CHST9: variants seen among roughly 807,000 people sequenced by gnomAD.
The protein encoded by CHST9 is GalNAc-4-sulfotransferase 2.
CHST9 carries 41 observed loss-of-function variants against 44.4 expected under a neutral mutation model. The observed-to-expected ratio is 0.92, with a 90% CI of 0.72 to 1.20. The LOEUF (loss-of-function observed/expected upper bound fraction) is 1.20. CHST9 is among the 50% of genes most tolerant of loss of function. The pLI, the probability that CHST9 is intolerant of heterozygous loss-of-function variation, is 0.00. For missense variants in CHST9, 504 were observed against 516.5 expected (o/e 0.98, Z 0.23); for synonymous variants, 171 against 178.4 (o/e 0.96, Z 0.33).
intron 4 of CHST9, among the ~76,000 whole-genome samples, chr18:26,974,659 TTTTC>T (rs2056594501): frequency 6.6e-6 from 1 of 151,488 alleles, no homozygotes; most frequent in South Asian, 2.1e-4. Context: ...GGCATACTTA[TTTTC>T]TTTCTTTTTT....
chr18:27,132,444 T>C (rs1029830577), intron 2 of CHST9, among the ~76,000 whole-genome samples: 1 of 152,114 alleles, frequency 6.6e-6, no homozygotes, highest in Non-Finnish European at 1.5e-5. Flanking sequence ...TTCTGAAAAA[T>C]CGAGTTAAAC....
intron 1 of CHST9, among the ~76,000 whole-genome samples, chr18:27,146,065 G>C: frequency 6.6e-6 from 1 of 152,282 alleles, no homozygotes; most frequent in African/African-American, 2.4e-5. Flanking sequence ...AAGGCTAGAA[G>C]AAAACTCATA....
At chr18:27,052,478 T>G (rs962235101) in intron 2 of CHST9, among the ~76,000 whole-genome samples, 4 of 152,050 alleles carry the variant, frequency 2.6e-5, no homozygotes, top group Admixed American at 6.6e-5. Flanking sequence ...GCTTCCTTCT[T>G]TAGTATCTTT....
At chr18:27,148,800 A>G (rs1288472498) in intron 1 of CHST9, among the ~76,000 whole-genome samples, 1 of 134,110 alleles carries the variant, frequency 7.5e-6, no homozygotes, top group Non-Finnish European at 1.6e-5. Flanking sequence ...GTCAAATGGT[A>G]TTTCTAGTTC....
At position 27,024,141 on chromosome 18, in the gene CHST9, C is replaced by T. The variant is rs369423245; in HGVS notation, c.177G>A (p.Lys59=). Residue 59 remains lysine, a synonymous_variant, in exon 4 of 6, where the codon AAG becomes AAA. Transcript: ENST00000618847. ...TGATTCTGGGTACAGGCCGCAAGTACTTCACTGGTCCCCATCCTGAAAAAG... is the reference window on the plus strand; with the variant it reads ...TGATTCTGGGTACAGGCCGCAAGTATTTCACTGGTCCCCATCCTGAAAAAG... ...QKVTSGWGPV[K]YLRPVPRIMS... is the part of the protein sequence containing the mutation. 8.7e-6 allele frequency: 14 copies of T among 1,612,006 alleles called. No homozygotes were observed. The highest frequency in any genetic ancestry group is 1.2e-5 in the Non-Finnish European group (14 of 1,179,178).
chr18:27,061,865 A>C (rs1202675041), intron 2 of CHST9, among the ~76,000 whole-genome samples: 1 of 152,176 alleles, frequency 6.6e-6, no homozygotes, highest in Non-Finnish European at 1.5e-5. Flanking sequence ...TTCAGAAGTA[A>C]TTAGACTTCT....
chr18:26,946,317 G>T (rs1287935392), intron 4 of CHST9, among the ~76,000 whole-genome samples: 1 of 152,142 alleles, frequency 6.6e-6, no homozygotes, highest in Non-Finnish European at 1.5e-5. Flanking sequence ...ACCAAGAAGA[G>T]GGGGGAGAAC....
In CHST9 at chr18:26,908,663, G is replaced by A. The variant is rs1317652544; in HGVS notation, c.*7596C>T. 3 of 152,202 alleles carry A rather than the reference G, an allele frequency of 2.0e-5. No homozygotes were observed. The highest frequency in any genetic ancestry group is 7.2e-5 in the African/African-American group (3 of 41,462). The allele number at this position is 152,202 out of a possible 1,614,324, so 9.4% of individuals were successfully genotyped here. ...CAATGTGGTTAGAATTGGGTAGGTA[G>A]CAGCAGAACTGTTAGTGGACCCACA... On this transcript the variant is annotated 3_prime_UTR_variant, in exon 6 of 6. Coordinates refer to ENST00000618847, the MANE Select transcript of CHST9 (RefSeq NM_031422.6).
intron 2 of CHST9, among the ~76,000 whole-genome samples, chr18:27,057,452 C>T (rs1402258928): frequency 1.3e-5 from 2 of 152,184 alleles, no homozygotes; most frequent in East Asian, 3.9e-4. Context: ...GATTAAACAC[C>T]AGCCTCCGCA....
intron 1 of CHST9, among the ~76,000 whole-genome samples, chr18:27,181,397 C>T: frequency 6.6e-6 from 1 of 152,144 alleles, no homozygotes; most frequent in East Asian, 1.9e-4. Flanking sequence ...TTTTATCTAG[C>T]TTGGTCCACT....
chr18:26,955,224 G>GTTTTTTTTTTTTTTTTTTTTTTTTTTTTT (rs10573820), intron 4 of CHST9, among the ~76,000 whole-genome samples: 1 of 138,446 alleles, frequency 7.2e-6, no homozygotes, highest in Non-Finnish European at 1.6e-5. Flanking sequence ...CCAGAATTCT[G>GTTTTTTTTTTTTTTTTTTTTTTTTTTTTT]TTTTTTTTTT....
chr18:27,159,603 G>A (rs1316466738), intron 1 of CHST9, among the ~76,000 whole-genome samples: 2 of 152,138 alleles, frequency 1.3e-5, no homozygotes, highest in African/African-American at 4.8e-5. Context: ...CTCGTTTTTG[G>A]TTCCATATGA....
intron 3 of CHST9, among the ~76,000 whole-genome samples, chr18:27,047,746 G>A (rs79332872): frequency 0.031 from 4,758 of 152,000 alleles, 208 homozygotes; most frequent in African/African-American, 0.094. Flanking sequence ...AAGGATGGCG[G>A]GCATAGGTAC....
chr18:27,025,575 T>C (rs183850610), intron 3 of CHST9, among the ~76,000 whole-genome samples: 135 of 152,328 alleles, frequency 8.9e-4, no homozygotes, highest in Middle Eastern at 3.4e-3. Context: ...AATTGTCTTG[T>C]TATGAACTTC....
chr18:26,969,051 T>G (rs1182908033), intron 4 of CHST9, among the ~76,000 whole-genome samples: 3 of 150,476 alleles, frequency 2.0e-5, no homozygotes, highest in Non-Finnish European at 4.4e-5. Context: ...CAGGCTGGAG[T>G]GCAGTGGTGC....
At chr18:27,052,717 A>C (rs1205893661) in intron 2 of CHST9, among the ~76,000 whole-genome samples, 1 of 152,176 alleles carries the variant, frequency 6.6e-6, no homozygotes, top group Non-Finnish European at 1.5e-5. Flanking sequence ...TGTGGCACAT[A>C]TACACCATGG....
intron 2 of CHST9, among the ~76,000 whole-genome samples, chr18:27,112,362 G>A (rs1273915971): frequency 6.6e-6 from 1 of 151,342 alleles, no homozygotes; most frequent in Non-Finnish European, 1.5e-5. Flanking sequence ...TGGGACCGCA[G>A]TCTAAACACA....
intron 2 of CHST9, among the ~76,000 whole-genome samples, chr18:27,115,446 A>T (rs1338096454): frequency 6.6e-6 from 1 of 152,206 alleles, no homozygotes; most frequent in Non-Finnish European, 1.5e-5. Flanking sequence ...GACTTTTCCA[A>T]AGTGGCTGAA....
intron 2 of CHST9, among the ~76,000 whole-genome samples, chr18:27,095,412 C>CA (rs1458576412): frequency 1.3e-5 from 2 of 152,120 alleles, no homozygotes; most frequent in Admixed American, 1.3e-4. Context: ...CTAACAATTT[C>CA]ATGTTAGGAT....
Sources: gnomAD v4.1 joint callset for allele counts (sites outside exome capture counted in the v4.1 genomes callset) on GRCh38, gnomAD v4.1.1 for gene constraint, MANE v1.5 for transcripts, NCBI Gene and HGNC (gene_info 2026-07-23, HGNC 2026-07-21) for gene names.